LRP1B: variants seen among roughly 807,000 people sequenced by gnomAD.
LRP1B encodes low-density lipoprotein receptor-related protein 1B.
Under a neutral mutation model 556.6 loss-of-function variants are expected in LRP1B, and 217 were observed. That is an observed-to-expected ratio of 0.39 (90% CI 0.35 to 0.44). The LOEUF is 0.44. LRP1B is among the 20% of genes least tolerant of loss of function. The pLI, the probability that LRP1B is intolerant of heterozygous loss-of-function variation, is 1.00. For missense variants in LRP1B, 5,053 were observed against 5,620.8 expected (o/e 0.90, Z 3.23); for synonymous variants, 2,047 against 1,865.8 (o/e 1.10, Z -2.50).
At chr2:140,334,582 G>A (rs751383700) in intron 78 of LRP1B, 23 bp from the exon 79 acceptor site, 29 of 1,369,284 alleles carry the variant, frequency 2.1e-5, no homozygotes, top group South Asian at 4.1e-5. Flanking sequence ...GGTCAGAGAG[G>A]TTAGCCTGGT....
intron 19 of LRP1B, among the ~76,000 whole-genome samples, chr2:140,950,859 A>G (rs1695694031): frequency 6.6e-6 from 1 of 151,830 alleles, no homozygotes; most frequent in Admixed American, 6.6e-5. Flanking sequence ...TGATAATTGA[A>G]TCAGTGGAAC....
At chr2:140,532,940 A>ATATATATCTATATCTATATC (rs1690771418) in intron 47 of LRP1B, among the ~76,000 whole-genome samples, 1 of 122,870 alleles carries the variant, frequency 8.1e-6, no homozygotes. Flanking sequence ...ATATATATAT[A>ATATATATCTATATCTATATC]TATATATACA....
intron 2 of LRP1B, among the ~76,000 whole-genome samples, chr2:141,523,081 C>T (rs1684580557): frequency 6.6e-6 from 1 of 152,114 alleles, no homozygotes; most frequent in Admixed American, 6.6e-5. Flanking sequence ...GAATCAACTG[C>T]ATTAAGGTCA....
chr2:141,656,942 G>A (rs1475805772), intron 2 of LRP1B, among the ~76,000 whole-genome samples: 1 of 151,980 alleles, frequency 6.6e-6, no homozygotes, highest in Non-Finnish European at 1.5e-5. Context: ...GTATAAAGTA[G>A]GACAATGTAA....
rs1685504982 is a variant in LRP1B at position 141,281,434 on chromosome 2, A to G, written c.344-26793T>C. ...ACAAGAGAGACATTGGTAAAAGTATAAAATGAGTCTTATATAAATATGCCA... is the reference window on the plus strand; with the variant it reads ...ACAAGAGAGACATTGGTAAAAGTATGAAATGAGTCTTATATAAATATGCCA... On this transcript the variant is annotated intron_variant, in intron 3 of 90. Coordinates refer to ENST00000389484, the MANE Select transcript of LRP1B (RefSeq NM_018557.3). Among the ~76,000 whole-genome samples the G allele has an allele frequency of 3.3e-5, 5 of 152,094 alleles. No homozygotes were observed. The South Asian group carries it at 1.0e-3, about 31-fold the overall frequency.
At chr2:140,783,115 C>T (rs1339769327) in intron 32 of LRP1B, among the ~76,000 whole-genome samples, 2 of 152,038 alleles carry the variant, frequency 1.3e-5, no homozygotes, top group African/African-American at 4.8e-5. Context: ...TGTTGCAATA[C>T]ATATTTCAAT....
intron 53 of LRP1B, among the ~76,000 whole-genome samples, chr2:140,506,242 A>G (rs112556518): frequency 0.045 from 6,785 of 151,938 alleles, 186 homozygotes; most frequent in Non-Finnish European, 0.047. Flanking sequence ...ATTTTAATTT[A>G]TTTATTTATG....
chr2:141,335,117 T>C (rs1292688899), intron 3 of LRP1B, among the ~76,000 whole-genome samples: 2 of 152,168 alleles, frequency 1.3e-5, no homozygotes, highest in African/African-American at 4.8e-5. Context: ...AGCAGTGAAA[T>C]AGCTACAAAT....
At chr2:140,311,501 A>C (rs1435231186) in intron 83 of LRP1B, among the ~76,000 whole-genome samples, 1 of 151,914 alleles carries the variant, frequency 6.6e-6, no homozygotes, top group Non-Finnish European at 1.5e-5. Context: ...GTTGTGGAAT[A>C]ATAGACATTG....
At chr2:141,924,835 T>C (rs995513692) in intron 1 of LRP1B, among the ~76,000 whole-genome samples, 10 of 152,198 alleles carry the variant, frequency 6.6e-5, no homozygotes, top group Non-Finnish European at 1.2e-4. Context: ...CAGGTTTTAA[T>C]ATGTAGTCCT....
intron 1 of LRP1B, among the ~76,000 whole-genome samples, chr2:141,815,723 C>T (rs1404968660): frequency 6.6e-6 from 1 of 150,536 alleles, no homozygotes. Context: ...CAGCCAGCAG[C>T]AGCAACCTCC....
chr2:141,675,084 CTAT>C (rs1690824945), intron 2 of LRP1B, among the ~76,000 whole-genome samples: 1 of 151,668 alleles, frequency 6.6e-6, no homozygotes, highest in South Asian at 2.1e-4. Context: ...ATATTTTGCC[CTAT>C]TATTTTCTTA....
intron 3 of LRP1B, among the ~76,000 whole-genome samples, chr2:141,299,770 A>G (rs1446661317): frequency 6.6e-6 from 1 of 152,232 alleles, no homozygotes; most frequent in East Asian, 1.9e-4. Flanking sequence ...AATTAGTAAA[A>G]TGAAAATAAG....
intron 81 of LRP1B, among the ~76,000 whole-genome samples, chr2:140,323,584 C>T (rs1378412518): frequency 6.6e-6 from 1 of 151,376 alleles, no homozygotes; most frequent in South Asian, 2.1e-4. Flanking sequence ...GCACATGTAC[C>T]CTAAAACTTA....
intron 4 of LRP1B, among the ~76,000 whole-genome samples, chr2:141,248,554 T>A (rs1417758492): frequency 6.6e-6 from 1 of 152,070 alleles, no homozygotes; most frequent in Non-Finnish European, 1.5e-5. Context: ...GGTATTGGGA[T>A]GGCATCATGG....
intron 66 of LRP1B, among the ~76,000 whole-genome samples, chr2:140,404,263 C>T (rs1444994209): frequency 1.3e-5 from 2 of 149,130 alleles, no homozygotes; most frequent in African/African-American, 5.0e-5. Flanking sequence ...CAATCTTTGC[C>T]TCCTGGGTTC....
chr2:142,000,804 G>A (rs754017491), intron 1 of LRP1B, among the ~76,000 whole-genome samples: 8 of 152,130 alleles, frequency 5.3e-5, no homozygotes, highest in Non-Finnish European at 1.2e-4. Flanking sequence ...CAGAAAAAGT[G>A]TCAAGAGCCC....
intron 84 of LRP1B, among the ~76,000 whole-genome samples, chr2:140,283,477 A>G (rs961345217): frequency 4.6e-5 from 7 of 151,806 alleles, no homozygotes; most frequent in African/African-American, 1.7e-4. Context: ...ACTTTCTATT[A>G]TACTAATGAA....
chr2:140,750,219 A>T (rs76308606), intron 35 of LRP1B, among the ~76,000 whole-genome samples: 1,702 of 152,312 alleles, frequency 0.011, 42 homozygotes, highest in African/African-American at 0.038. Context: ...TGACTAGTGA[A>T]TAAGAATCAA....
Sources: gnomAD v4.1 joint callset for allele counts (sites outside exome capture counted in the v4.1 genomes callset) on GRCh38, gnomAD v4.1.1 for gene constraint, MANE v1.5 for transcripts, NCBI Gene and HGNC (gene_info 2026-07-23, HGNC 2026-07-21) for gene names.